The following SUMF1 variants were observed in gnomAD, a reference collection of about 807,000 sequenced individuals.
SUMF1 encodes the protein sulfatase modifying factor 1, also known as formylglycine-generating enzyme.
SUMF1 carries 48 observed loss-of-function variants against 47.6 expected under a neutral mutation model. That is an observed-to-expected ratio of 1.01 (90% confidence interval 0.80 to 1.28). The LOEUF (loss-of-function observed/expected upper bound fraction) is 1.28, where lower values mean the gene tolerates loss of function less well. Among genes scored for constraint, SUMF1 ranks in the 50% most tolerant of loss-of-function variants. The pLI is 0.00. For missense variants in SUMF1, 571 were observed against 485.4 expected (o/e 1.18, Z -1.66); for synonymous variants, 230 against 192.1 (o/e 1.20, Z -1.63).
In SUMF1 at chr3:4,222,472, G is replaced by A. The variant is rs192598486; in HGVS notation, c.1015-153727C>T. The stretch of plus-strand genomic sequence containing the variant: ...CCATTTTATCATGGTCAATAAATAC[G>A]GGTGTCTCCATTCAATCGCTGGTAC... On this transcript the variant is annotated intron_variant and NMD_transcript_variant, in intron 8 of 12. Coordinates refer to the SUMF1 transcript ENST00000448413. Among the ~76,000 whole-genome samples, 1,296 of 152,036 alleles carry A rather than the reference G, an allele frequency of 8.5e-3. 10 individuals carry two copies. The highest frequency in any genetic ancestry group is 0.013 in the Non-Finnish European group (874 of 67,970).
In SUMF1 at chr3:4,466,990, G is replaced by C. The variant is rs1281171568; in HGVS notation, c.256C>G (p.Leu86Val). Reference sequence around the variant, plus strand: ...CGATGGAGCACCTTTGAGTGCGCGAGTTGCCGCTCTCCGGGTACGGGGCCC... The same window carrying C: ...CGATGGAGCACCTTTGAGTGCGCGACTTGCCGCTCTCCGGGTACGGGGCCC... ...APGPVPGERQ[L>V]AHSKMVPIPA... The change falls in exon 1 of 9, where the codon CTC becomes GTC. Residue 86 changes from leucine to valine, a missense_variant. By Grantham distance (32) the Leu-to-Val change is conservative (BLOSUM62 1). Transcript: ENST00000272902. The C allele has an allele frequency of 1.2e-6, 2 of 1,602,676 alleles. No homozygotes were observed. Among genetic ancestry groups the C allele is most frequent in the Non-Finnish European group, 1.7e-6 (2 of 1,176,280 alleles).
At chr3:4,281,697 A>T (rs151175818) in intron 8 of SUMF1, among the ~76,000 whole-genome samples, 92 of 152,120 alleles carry the variant, frequency 6.0e-4, no homozygotes, top group Middle Eastern at 3.4e-3. Flanking sequence ...GGGAAAAAAC[A>T]GGGGGAAAGG....
intron 8 of SUMF1, among the ~76,000 whole-genome samples, chr3:4,346,085 T>C (rs1197124355): frequency 1.3e-5 from 2 of 152,124 alleles, no homozygotes; most frequent in Non-Finnish European, 2.9e-5. Flanking sequence ...AGTGGGAGAC[T>C]TCAACACTCC....
chr3:4,466,106 T>C (rs1052120105), intron 1 of SUMF1, among the ~76,000 whole-genome samples: 8 of 151,952 alleles, frequency 5.3e-5, no homozygotes, highest in African/African-American at 1.7e-4. Context: ...GTAACAGTTA[T>C]TTCTTTCTTT....
At chr3:4,220,519 T>C (rs927882071) in intron 8 of SUMF1, among the ~76,000 whole-genome samples, 4 of 152,068 alleles carry the variant, frequency 2.6e-5, no homozygotes, top group Middle Eastern at 3.2e-3. Flanking sequence ...ATTTGTTTCC[T>C]TTGTCCTCAC....
intron 3 of SUMF1, among the ~76,000 whole-genome samples, chr3:4,428,067 A>G (rs1702121448): frequency 6.6e-6 from 1 of 152,224 alleles, no homozygotes; most frequent in Non-Finnish European, 1.5e-5. Context: ...AAGCAATGTG[A>G]CAATATTCAG....
At chr3:4,252,477 G>C (rs1187420585) in intron 8 of SUMF1, among the ~76,000 whole-genome samples, 2 of 152,080 alleles carry the variant, frequency 1.3e-5, no homozygotes, top group African/African-American at 4.8e-5. Flanking sequence ...CACCGTTTGA[G>C]ACTGCTGAAC....
At chr3:4,256,701 G>C (rs373052118) in intron 8 of SUMF1, among the ~76,000 whole-genome samples, 4 of 152,126 alleles carry the variant, frequency 2.6e-5, no homozygotes, top group Non-Finnish European at 4.4e-5. Context: ...GGAGGAACTG[G>C]TACCATTCCT....
At chr3:4,363,657 T>G (rs1323768670) in intron 8 of SUMF1, among the ~76,000 whole-genome samples, 2 of 150,794 alleles carry the variant, frequency 1.3e-5, no homozygotes, top group African/African-American at 4.9e-5. Context: ...TATACAATCA[T>G]GTCATCTGCA....
At chr3:4,182,003 T>G (rs961365281) in intron 8 of SUMF1, among the ~76,000 whole-genome samples, 1 of 152,204 alleles carries the variant, frequency 6.6e-6, no homozygotes, top group African/African-American at 2.4e-5. Context: ...ATAATTTCAT[T>G]GTTTGTTATA....
chr3:4,311,411 C>T (rs1698399474), intron 8 of SUMF1, among the ~76,000 whole-genome samples: 1 of 152,232 alleles, frequency 6.6e-6, no homozygotes, highest in Admixed American at 6.5e-5. Flanking sequence ...CAACTGGTTC[C>T]TTGCAGAACT....
At chr3:4,376,172 C>A (rs1324548321) in intron 8 of SUMF1, among the ~76,000 whole-genome samples, 158 bp downstream of exon 8, 1 of 152,170 alleles carries the variant, frequency 6.6e-6, no homozygotes, top group Non-Finnish European at 1.5e-5. Flanking sequence ...ATGCTTGTAA[C>A]CAAATTTGAG....
At chr3:4,301,183 G>C (rs1164633731) in intron 8 of SUMF1, among the ~76,000 whole-genome samples, 1 of 152,118 alleles carries the variant, frequency 6.6e-6, no homozygotes, top group Non-Finnish European at 1.5e-5. Flanking sequence ...GGGACTACTT[G>C]AGCTGAGCAG....
At chr3:4,106,959 AG>A (rs1262574731) in intron 8 of SUMF1, among the ~76,000 whole-genome samples, 3 of 152,094 alleles carry the variant, frequency 2.0e-5, no homozygotes, top group Non-Finnish European at 2.9e-5. Context: ...AACATAAAAG[AG>A]AAAAAAAATT....
intron 8 of SUMF1, chr3:4,313,289 A>G: frequency 6.2e-7 from 1 of 1,613,934 alleles, no homozygotes; most frequent in Non-Finnish European, 8.5e-7. Flanking sequence ...AGAAGAATTC[A>G]CTTACAAACA....
In SUMF1 at chr3:4,272,013, T is replaced by G. The variant is rs571366403; in HGVS notation, c.1014+104317A>C. Among the ~76,000 whole-genome samples, 46 of 152,320 alleles carry G rather than the reference T, an allele frequency of 3.0e-4. No individual in the cohort carries two copies. In the South Asian group the frequency reaches 9.5e-3, roughly 32 times the overall value. On this transcript the variant is annotated intron_variant and NMD_transcript_variant, in intron 8 of 12. Transcript: ENST00000448413. ...TCTCTGTCATAATTAAATTCTTCTT[T>G]ATCTCACTACATGACTGCCCTCTCT...
In SUMF1 at chr3:4,173,957, C is replaced by A. The variant is rs981244725; in HGVS notation, c.1015-105212G>T. On this transcript the variant is annotated intron_variant and NMD_transcript_variant, in intron 8 of 12. Coordinates refer to the SUMF1 transcript ENST00000448413. The stretch of plus-strand genomic sequence containing the variant: ...ACAGGTTGATGGGTGTGGCAAACCA[C>A]CATGGCAGGAGTATACCTATGTAAC... Among the ~76,000 whole-genome samples the A allele has an allele frequency of 2.6e-5, 4 of 152,088 alleles. No individual in the cohort carries two copies. In the East Asian group the frequency reaches 7.7e-4, roughly 29 times the overall value.
At chr3:4,306,678 C>A (rs1698203759) in intron 8 of SUMF1, among the ~76,000 whole-genome samples, 1 of 152,226 alleles carries the variant, frequency 6.6e-6, no homozygotes, top group African/African-American at 2.4e-5. Context: ...TCCATGTATT[C>A]ATGGAACACA....
At chr3:4,069,923 G>C (rs972227262) in intron 8 of SUMF1, among the ~76,000 whole-genome samples, 1 of 152,018 alleles carries the variant, frequency 6.6e-6, no homozygotes, top group Non-Finnish European at 1.5e-5. Flanking sequence ...TTCCTTTTCA[G>C]ATCCAGGAGA....
Sources: allele counts gnomAD v4.1 joint callset (sites outside exome capture counted in the v4.1 genomes callset), GRCh38; gene constraint gnomAD v4.1.1; transcripts MANE v1.5; gene names NCBI Gene and HGNC (gene_info 2026-07-23, HGNC 2026-07-21).